The following LPAR1 variants were observed in gnomAD, a reference collection of about 807,000 sequenced individuals.
LPAR1 encodes the protein lysophosphatidic acid receptor 1.
Under a neutral mutation model 23.8 loss-of-function variants are expected in LPAR1, and 5 were observed. The observed-to-expected ratio is 0.21, with a 90% CI of 0.11 to 0.44. LPAR1 has a LOEUF of 0.44. Ranked by LOEUF, LPAR1 falls within the 20% of genes least tolerant of loss-of-function variation. The pLI, the probability that LPAR1 is intolerant of heterozygous loss-of-function variation, is 0.99. For missense variants in LPAR1, 311 were observed against 482.8 expected (o/e 0.64, Z 3.33); for synonymous variants, 160 against 164.7 (o/e 0.97, Z 0.22).
intron 2 of LPAR1, among the ~76,000 whole-genome samples, chr9:111,026,698 T>A (rs1362968293): frequency 6.6e-6 from 1 of 152,236 alleles, no homozygotes; most frequent in African/African-American, 2.4e-5. Context: ...TGAGATATGT[T>A]CCATCAATAC....
At chr9:110,943,097 AATATATAATT>A (rs1475621088) in intron 4 of LPAR1, among the ~76,000 whole-genome samples, 14 of 147,862 alleles carry the variant, frequency 9.5e-5, no homozygotes, top group African/African-American at 2.4e-4. Flanking sequence ...CATAATATAT[AATATATAATT>A]ATATATAATT....
At chr9:110,986,376 T>A (rs2096781294) in intron 2 of LPAR1, among the ~76,000 whole-genome samples, 1 of 152,002 alleles carries the variant, frequency 6.6e-6, no homozygotes, top group Non-Finnish European at 1.5e-5. Flanking sequence ...TGAAAAATAT[T>A]TCATTCTAAG....
At chr9:110,878,232 G>A (rs534781062) in intron 5 of LPAR1, among the ~76,000 whole-genome samples, 4 of 151,994 alleles carry the variant, frequency 2.6e-5, no homozygotes, top group African/African-American at 4.8e-5. Flanking sequence ...ACAGGCCTCC[G>A]AAATCAACAT....
At chr9:110,919,756 G>A (rs1457464103) in intron 5 of LPAR1, among the ~76,000 whole-genome samples, 1 of 152,140 alleles carries the variant, frequency 6.6e-6, no homozygotes, top group Non-Finnish European at 1.5e-5. Context: ...ACACCACTGT[G>A]GGAGTTTCAA....
intron 5 of LPAR1, among the ~76,000 whole-genome samples, chr9:110,894,033 T>C (rs2085431314): frequency 6.6e-6 from 1 of 152,214 alleles, no homozygotes; most frequent in South Asian, 2.1e-4. Flanking sequence ...AAGAACTTCA[T>C]TAAAAATGTT....
At chr9:110,914,681 A>G (rs61652177) in intron 5 of LPAR1, among the ~76,000 whole-genome samples, 11,359 of 152,238 alleles carry the variant, frequency 0.075, 1,453 homozygotes, top group African/African-American at 0.25. Context: ...CTTATCGAGG[A>G]AGGCAGAATG....
At chr9:110,962,489 T>A (rs1044351475) in intron 4 of LPAR1, among the ~76,000 whole-genome samples, 3 of 152,182 alleles carry the variant, frequency 2.0e-5, no homozygotes, top group Non-Finnish European at 4.4e-5. Flanking sequence ...TGATATCACC[T>A]GCTGGACATT....
chr9:110,941,742 G>A lies in LPAR1; in HGVS notation c.472C>T (p.Arg158Trp), dbSNP rs1188890764. The A allele has an allele frequency of 5.6e-6, 9 of 1,614,056 alleles. No individual in the cohort carries two copies. Among genetic ancestry groups the A allele is most frequent in the South Asian group, 2.2e-5 (2 of 91,088 alleles). ...ACCACTACCCGCCGGTTGCTCATCC[G>A]TGTGTGGAGCTGCATGCGGAAAACC... ...ITVFRMQLHTRMSNRRVVVVI... is the reference protein window; with the variant it reads ...ITVFRMQLHTWMSNRRVVVVI... The change falls in exon 5 of 6, where the codon CGG (arginine) becomes TGG (tryptophan). Residue 158 changes from arginine (R) to tryptophan (W), a missense_variant. Arg to Trp is a moderately radical substitution (Grantham distance 101). Around this residue, in one of 2 missense-constraint regions of LPAR1, gnomAD observed 250 missense variants for 427.2 expected, o/e 0.59. Coordinates refer to ENST00000683809, the MANE Select transcript of LPAR1 (RefSeq NM_001351411.2). The surrounding 1 kb of genome is among the most constrained non-coding windows in gnomAD (Gnocchi z 6.1).
At chr9:110,889,646 G>A (rs2083466382) in intron 5 of LPAR1, among the ~76,000 whole-genome samples, 1 of 152,190 alleles carries the variant, frequency 6.6e-6, no homozygotes, top group African/African-American at 2.4e-5. Context: ...TTGTAATTGA[G>A]TTTACAACTG....
chr9:110,914,980 A>C (rs1450606340), intron 5 of LPAR1, among the ~76,000 whole-genome samples: 1 of 152,072 alleles, frequency 6.6e-6, no homozygotes, highest in Non-Finnish European at 1.5e-5. Context: ...AAAAAAAAAG[A>C]ATTTAATGAT....
rs555756026 is a variant in LPAR1 at position 110,904,003 on chromosome 9, G to A, written c.794-28281C>T. ...TACCTGAAACCATATAGGCCAGAAG[G>A]AAAAGGTGCATTTTCCAAGTGCTGA... On this transcript the variant is annotated intron_variant, in intron 5 of 5. Coordinates refer to ENST00000683809, the MANE Select transcript of LPAR1 (RefSeq NM_001351411.2). Among the ~76,000 whole-genome samples the A allele has an allele frequency of 5.3e-5, 8 of 151,846 alleles. No homozygotes were observed. The East Asian group carries it at 1.6e-3, about 30-fold the overall frequency.
rs114257312 is a variant in LPAR1 at position 110,976,259 on chromosome 9, G to A, written c.-181-2701C>T. Among the ~76,000 whole-genome samples the A allele has an allele frequency of 6.2e-3, 939 of 150,818 alleles. 12 individuals are homozygous for A. The highest frequency in any genetic ancestry group is 0.021 in the African/African-American group (877 of 40,930). On this transcript the variant is annotated intron_variant, in intron 2 of 5. Transcript: ENST00000683809. ...TGTAATCCTAGCATTTTGAGACGCC[G>A]ATGTGGGTGGATCATGAGGTCAGGA... is the stretch of plus-strand genomic sequence containing the variant.
intron 3 of LPAR1, among the ~76,000 whole-genome samples, chr9:110,972,519 C>T (rs1195849269): frequency 6.6e-6 from 1 of 152,086 alleles, no homozygotes; most frequent in African/African-American, 2.4e-5. Flanking sequence ...GAAAAGCCAT[C>T]CTGCCATTAA....
At chr9:110,916,481 G>C (rs1268268493) in intron 5 of LPAR1, among the ~76,000 whole-genome samples, 1 of 152,152 alleles carries the variant, frequency 6.6e-6, no homozygotes, top group East Asian at 1.9e-4. Flanking sequence ...ATAAAACATT[G>C]ACATAGGATA....
intron 5 of LPAR1, among the ~76,000 whole-genome samples, chr9:110,902,052 G>A (rs1382934722): frequency 6.6e-6 from 1 of 151,974 alleles, no homozygotes; most frequent in African/African-American, 2.4e-5. Context: ...AAGGTGAAAT[G>A]GTTAGAGACC....
intron 2 of LPAR1, among the ~76,000 whole-genome samples, chr9:111,005,240 TC>T (rs1211519375): frequency 2.8e-4 from 42 of 150,908 alleles, no homozygotes; most frequent in African/African-American, 9.5e-4. Flanking sequence ...CCTGCAATGA[TC>T]TAACAAAATT....
At chr9:111,000,811 A>G (rs2097113338) in intron 2 of LPAR1, among the ~76,000 whole-genome samples, 1 of 152,228 alleles carries the variant, frequency 6.6e-6, no homozygotes, top group South Asian at 2.1e-4. Flanking sequence ...AAGTGGAAGG[A>G]AGCTTTGCCA....
intron 2 of LPAR1, among the ~76,000 whole-genome samples, chr9:111,033,167 G>C (rs1196463480): frequency 1.3e-5 from 2 of 152,074 alleles, no homozygotes; most frequent in Admixed American, 6.5e-5. Context: ...AATTTTACAT[G>C]GACTTCAGGG....
At position 110,875,353 on chromosome 9, in the gene LPAR1, C is replaced by T. The variant is rs2078825196; in HGVS notation, c.*68G>A. ...TCTCTCACACCCCACCTTGCCCTGG[C>T]AATTGGGTAGGGGGAGGCTGTTTAT... On this transcript the variant is annotated 3_prime_UTR_variant, in exon 6 of 6. Coordinates refer to ENST00000683809, the MANE Select transcript of LPAR1 (RefSeq NM_001351411.2). The T allele has an allele frequency of 7.2e-7, 1 of 1,389,500 alleles. No homozygotes were observed. The highest frequency in any genetic ancestry group is 1.4e-5 in the South Asian group (1 of 69,064). The allele number at this position is 1,389,500 out of a possible 1,614,324, so 86.1% of individuals were successfully genotyped here.
Sources: allele counts gnomAD v4.1 joint callset (sites outside exome capture counted in the v4.1 genomes callset), GRCh38; gene constraint gnomAD v4.1.1; regional missense constraint gnomAD v4.1.1; non-coding constraint Gnocchi (gnomAD v3.1); transcripts MANE v1.5; gene names NCBI Gene and HGNC (gene_info 2026-07-23, HGNC 2026-07-21).